The following ENOX2 variants were observed in gnomAD, a reference collection of about 807,000 sequenced individuals.
ENOX2 encodes the protein ecto-NOX disulfide-thiol exchanger 2, also known as APK1 antigen.
Under a neutral mutation model 45.0 loss-of-function variants are expected in ENOX2, and 36 were observed. The observed-to-expected ratio is 0.80, with a 90% confidence interval of 0.61 to 1.06. ENOX2 has a LOEUF of 1.06. ENOX2 is among the 50% of genes least tolerant of loss of function. The pLI, the probability that ENOX2 is intolerant of heterozygous loss-of-function variation, is 0.00. For missense variants in ENOX2, 423 were observed against 462.5 expected (o/e 0.91, Z 0.78); for synonymous variants, 174 against 152.3 (o/e 1.14, Z -1.05).
intron 5 of ENOX2, among the ~76,000 whole-genome samples, chrX:130,681,096 A>G (rs764689307): frequency 1.8e-5 from 2 of 112,613 alleles, no homozygotes; most frequent in African/African-American, 6.4e-5. Flanking sequence ...GTTCCATATG[A>G]AAGGATTAGA....
At chrX:130,653,648 A>G (rs1163961431) in intron 10 of ENOX2, among the ~76,000 whole-genome samples, 1 of 111,941 alleles carries the variant, frequency 8.9e-6, no homozygotes. Context: ...CTGCATTCTA[A>G]TCAGTACCTT....
At chrX:130,756,560 G>A (rs1447820665) in intron 3 of ENOX2, among the ~76,000 whole-genome samples, 3 of 111,950 alleles carry the variant, frequency 2.7e-5, no homozygotes, top group East Asian at 2.8e-4. Context: ...ATTCACTGTG[G>A]CTAATTTATC....
At chrX:130,769,480 G>T (rs761798410) in intron 3 of ENOX2, among the ~76,000 whole-genome samples, 1 of 112,135 alleles carries the variant, frequency 8.9e-6, no homozygotes, top group Admixed American at 9.4e-5. Flanking sequence ...CAGTGGTACT[G>T]ATTAAATGAG....
chrX:130,657,045 C>G (rs189112425), intron 9 of ENOX2, among the ~76,000 whole-genome samples: 1 of 111,642 alleles, frequency 9.0e-6, no homozygotes, highest in Admixed American at 9.5e-5. Flanking sequence ...CACCTCCCCA[C>G]GTTGGACCCT....
Position 130,637,287 on chromosome X carries a change from T to C in ENOX2, c.1253A>G (p.Asp418Gly). ...TTTCAGCTGCTGTTCTTTGTTAGGG[T>C]CATCTTCTCTGTGGACTTTGCCTTG... Reference protein sequence around the residue: ...QEQGKVHREDDPNKEQQLKLL... With the variant: ...QEQGKVHREDGPNKEQQLKLL... The change falls in exon 11 of 15, where the codon GAC (aspartate) becomes GGC (glycine). Residue 418 changes from aspartate to glycine, a missense_variant. Coordinates refer to ENST00000394363, the MANE Select transcript of ENOX2 (RefSeq NM_006375.4). The C allele has an allele frequency of 8.3e-7, 1 of 1,211,318 alleles. No homozygotes were observed. Among genetic ancestry groups the C allele is most frequent in the Non-Finnish European group, 1.1e-6 (1 of 895,151 alleles).
At chrX:130,730,883 C>T (rs971742463) in intron 3 of ENOX2, among the ~76,000 whole-genome samples, 1 of 110,737 alleles carries the variant, frequency 9.0e-6, no homozygotes, top group African/African-American at 3.3e-5. Flanking sequence ...GTTGTGGAGA[C>T]CTAGGTTAGA....
At chrX:130,884,818 T>A (rs760218100) in intron 2 of ENOX2, among the ~76,000 whole-genome samples, 166 of 111,601 alleles carry the variant, frequency 1.5e-3, no homozygotes, top group African/African-American at 5.2e-3. Flanking sequence ...ATATTTTTTC[T>A]GCTGATCTGG....
At chrX:130,646,375 A>AT in intron 10 of ENOX2, 1 of 233,832 alleles carries the variant, frequency 4.3e-6, no homozygotes, top group Non-Finnish European at 7.8e-6. Context: ...GCCCCACTGA[A>AT]GAACTCCCCT....
intron 3 of ENOX2, among the ~76,000 whole-genome samples, chrX:130,755,159 A>G (rs1158591193): frequency 9.1e-6 from 1 of 110,497 alleles, no homozygotes; most frequent in Non-Finnish European, 1.9e-5. Flanking sequence ...CTATGATGTA[A>G]GCCCTAATAA....
chrX:130,799,438 C>T (rs755237364), intron 2 of ENOX2, among the ~76,000 whole-genome samples: 6 of 111,651 alleles, frequency 5.4e-5, no homozygotes, highest in African/African-American at 2.0e-4. Context: ...TGTGGGACTT[C>T]ACCTTGTAAT....
chrX:130,729,661 AT>A (rs1569494106), intron 3 of ENOX2, among the ~76,000 whole-genome samples: 2 of 112,156 alleles, frequency 1.8e-5, no homozygotes, highest in African/African-American at 3.2e-5. Flanking sequence ...GCTCCCTATC[AT>A]AATACAAATT....
intron 3 of ENOX2, chrX:130,709,375 T>C: frequency 2.2e-6 from 2 of 893,943 alleles, no homozygotes; most frequent in South Asian, 2.0e-5. Flanking sequence ...TGGTAGCTCA[T>C]GCTTGTAAAT....
chrX:130,719,743 G>T (rs2148268439), intron 3 of ENOX2, among the ~76,000 whole-genome samples: 1 of 112,112 alleles, frequency 8.9e-6, no homozygotes, highest in Admixed American at 9.4e-5. Context: ...CAATACAGTG[G>T]GAATGAGGTC....
At chrX:130,674,380 A>G (rs1344131354) in intron 6 of ENOX2, among the ~76,000 whole-genome samples, 1 of 109,848 alleles carries the variant, frequency 9.1e-6, no homozygotes, top group Non-Finnish European at 1.9e-5. Context: ...AAAAAAAAAG[A>G]ACAGAATAGC....
chrX:130,635,823 T>A (rs1569477825), intron 11 of ENOX2, among the ~76,000 whole-genome samples: 1 of 112,222 alleles, frequency 8.9e-6, no homozygotes, highest in East Asian at 2.8e-4. Context: ...TGAGATAAGA[T>A]GTGAGAAATT....
intron 3 of ENOX2, chrX:130,709,287 T>C (rs961793116): frequency 3.3e-6 from 4 of 1,202,988 alleles, no homozygotes; most frequent in Middle Eastern, 2.3e-4. Flanking sequence ...AAAATCTCTT[T>C]GCATTGTGTG....
chrX:130,833,228 T>A lies in ENOX2; in HGVS notation c.-182-49538A>T, dbSNP rs185851386. Among the ~76,000 whole-genome samples the A allele has an allele frequency of 5.3e-3, 588 of 111,470 alleles. 5 individuals are homozygous for A. The highest frequency in any genetic ancestry group is 0.018 in the African/African-American group (552 of 30,680). Reference sequence around the variant, plus strand: ...ACTGGAATCTGGGCACACATGAAATTGCAATTACTTTCCATTCCTTTTCTT... The same window carrying A: ...ACTGGAATCTGGGCACACATGAAATAGCAATTACTTTCCATTCCTTTTCTT... On this transcript the variant is annotated intron_variant, in intron 2 of 14. Coordinates refer to ENST00000394363, the MANE Select transcript of ENOX2 (RefSeq NM_006375.4).
At chrX:130,697,908 G>A (rs2148206690) in intron 4 of ENOX2, among the ~76,000 whole-genome samples, 1 of 111,812 alleles carries the variant, frequency 8.9e-6, no homozygotes, top group Non-Finnish European at 1.9e-5. Context: ...GCTTTAAATA[G>A]TTTAAAATGT....
At chrX:130,809,148 C>T (rs1440294495) in intron 2 of ENOX2, among the ~76,000 whole-genome samples, 2 of 112,208 alleles carry the variant, frequency 1.8e-5, no homozygotes, top group Non-Finnish European at 3.8e-5. Context: ...AGTTTATTAA[C>T]AGAGACATAC....
Sources: allele counts gnomAD v4.1 joint callset (sites outside exome capture counted in the v4.1 genomes callset), GRCh38; gene constraint gnomAD v4.1.1; transcripts MANE v1.5; gene names NCBI Gene and HGNC (gene_info 2026-07-23, HGNC 2026-07-21).